NFIB: variants seen among roughly 807,000 people sequenced by gnomAD.
The protein encoded by NFIB is nuclear factor I B.
NFIB carries 11 observed loss-of-function variants against 61.5 expected under a neutral mutation model. That is an observed-to-expected ratio of 0.18 (90% CI 0.11 to 0.30). The LOEUF is 0.30. NFIB is among the 10% of genes least tolerant of loss of function. The pLI, the probability that NFIB is intolerant of heterozygous loss-of-function variation, is 1.00. For missense variants in NFIB, 471 were observed against 608.9 expected, an observed-to-expected ratio of 0.77 and a Z score of 2.38; for synonymous variants, 260 against 216.5, an observed-to-expected ratio of 1.20 and a Z score of -1.76.
At chr9:14,159,859 T>C (rs1563847973) in intron 3 of NFIB, among the ~76,000 whole-genome samples, 2 of 152,332 alleles carry the variant, frequency 1.3e-5, no homozygotes, top group East Asian at 1.9e-4. Flanking sequence ...TCCAAGGTCC[T>C]TGGGCCTTTC....
At chr9:14,367,645 A>T (rs763653677) in intron 1 of NFIB, among the ~76,000 whole-genome samples, 46 of 152,182 alleles carry the variant, frequency 3.0e-4, no homozygotes, top group Non-Finnish European at 5.6e-4. Context: ...CCCATCAATG[A>T]TAGACTGGAT....
intron 1 of NFIB, among the ~76,000 whole-genome samples, chr9:14,345,772 C>T (rs979619871): frequency 1.3e-5 from 2 of 152,148 alleles, no homozygotes; most frequent in African/African-American, 4.8e-5. Flanking sequence ...AGAAGCGAGG[C>T]GGCTTACACC....
At chr9:14,523,087 G>A in the NFIB span, among the ~76,000 whole-genome samples, 1 of 152,034 alleles carries the variant, frequency 6.6e-6, no homozygotes, top group African/African-American at 2.4e-5. Context: ...TGGCTGAGAG[G>A]GACCTGATTT....
chr9:14,366,791 AT>A (rs2061305396), intron 1 of NFIB, among the ~76,000 whole-genome samples: 1 of 152,020 alleles, frequency 6.6e-6, no homozygotes, highest in African/African-American at 2.4e-5. Context: ...GATGAATTTT[AT>A]TCTTTTTAAA....
At chr9:14,219,140 G>GCA (rs374689097) in intron 2 of NFIB, among the ~76,000 whole-genome samples, 150 of 152,180 alleles carry the variant, frequency 9.9e-4, no homozygotes, top group African/African-American at 3.3e-3. Flanking sequence ...CCTAAATGCT[G>GCA]CACCTTATGA....
intron 2 of NFIB, among the ~76,000 whole-genome samples, chr9:14,185,091 A>C (rs202114713): frequency 5.4e-5 from 1 of 18,354 alleles, no homozygotes; most frequent in Non-Finnish European, 1.9e-3. Context: ...TTTTAAAAAA[A>C]GTATACTCTA....
the NFIB span, among the ~76,000 whole-genome samples, chr9:14,468,500 G>T: frequency 6.6e-6 from 1 of 152,202 alleles, no homozygotes; most frequent in Non-Finnish European, 1.5e-5. Flanking sequence ...AGGGGTGAGA[G>T]TGGGTATTCC....
the NFIB span, among the ~76,000 whole-genome samples, chr9:14,407,802 C>T: frequency 6.6e-6 from 1 of 151,908 alleles, no homozygotes; most frequent in Non-Finnish European, 1.5e-5. Flanking sequence ...TGTCCCACCT[C>T]AGCCTCCTGA....
chr9:14,417,282 T>A, the NFIB span, among the ~76,000 whole-genome samples: 1 of 152,196 alleles, frequency 6.6e-6, no homozygotes, highest in Non-Finnish European at 1.5e-5. Context: ...TATAATTGCT[T>A]ACAGTATTCA....
At chr9:14,169,803 G>A (rs569677081) in intron 3 of NFIB, among the ~76,000 whole-genome samples, 11 of 152,326 alleles carry the variant, frequency 7.2e-5, no homozygotes, top group African/African-American at 2.4e-4. Flanking sequence ...GGGCAACAGA[G>A]CAAGACTCCT....
intron 3 of NFIB, among the ~76,000 whole-genome samples, chr9:14,160,898 T>C (rs1290267983): frequency 1.3e-5 from 2 of 150,466 alleles, no homozygotes; most frequent in Non-Finnish European, 3.0e-5. Context: ...AACCCACAGA[T>C]TCTCCCTTCT....
intron 2 of NFIB, among the ~76,000 whole-genome samples, chr9:14,186,322 C>G (rs920839649): frequency 1.3e-5 from 2 of 152,112 alleles, no homozygotes; most frequent in Admixed American, 6.6e-5. Context: ...TGTCATAGTT[C>G]TTTGCCTTAA....
At chr9:14,165,618 T>C (rs1352726778) in intron 3 of NFIB, among the ~76,000 whole-genome samples, 2 of 152,072 alleles carry the variant, frequency 1.3e-5, no homozygotes, top group Non-Finnish European at 2.9e-5. Context: ...AAGCAAATAA[T>C]ACAGACTCTT....
chr9:14,451,756 T>C, the NFIB span, among the ~76,000 whole-genome samples: 1 of 152,232 alleles, frequency 6.6e-6, no homozygotes, highest in Non-Finnish European at 1.5e-5. Flanking sequence ...CTAATGGGAA[T>C]ATTTCTGTTG....
At chr9:14,158,332 C>T (rs1335531622) in intron 3 of NFIB, among the ~76,000 whole-genome samples, 2 of 152,172 alleles carry the variant, frequency 1.3e-5, no homozygotes, top group African/African-American at 4.8e-5. Context: ...CCAACCACCA[C>T]CCACTCTGTA....
At chr9:14,404,542 G>C in the NFIB span, among the ~76,000 whole-genome samples, 3 of 152,126 alleles carry the variant, frequency 2.0e-5, no homozygotes, top group African/African-American at 7.2e-5. Context: ...CTTTGATTTA[G>C]TTTGATTCCC....
chr9:14,449,591 A>G, the NFIB span, among the ~76,000 whole-genome samples: 3 of 152,172 alleles, frequency 2.0e-5, no homozygotes, highest in Non-Finnish European at 4.4e-5. Flanking sequence ...TTATCATATA[A>G]TCCCTGTTCA....
chr9:14,327,860 C>G (rs977179695), intron 1 of NFIB, among the ~76,000 whole-genome samples: 1 of 152,044 alleles, frequency 6.6e-6, no homozygotes, highest in Non-Finnish European at 1.5e-5. Flanking sequence ...ATTCAAAAGT[C>G]AAACAAACAA....
the NFIB span, among the ~76,000 whole-genome samples, chr9:14,526,069 C>T: frequency 2.6e-5 from 4 of 152,098 alleles, no homozygotes; most frequent in East Asian, 1.9e-4. Context: ...CTCTACCAGC[C>T]GTGAGAGGAG....
Sources: allele counts gnomAD v4.1 joint callset (sites outside exome capture counted in the v4.1 genomes callset), GRCh38; gene constraint gnomAD v4.1.1; transcripts MANE v1.5; gene names NCBI Gene and HGNC (gene_info 2026-07-23, HGNC 2026-07-21).